The following PUM2 variants were observed in gnomAD, a reference collection of about 807,000 sequenced individuals.
The protein encoded by PUM2 is pumilio RNA binding family member 2.
Under a neutral mutation model 124.5 loss-of-function variants are expected in PUM2, and 57 were observed. The ratio of observed to expected loss-of-function variants is 0.46; its 90% CI spans 0.37 to 0.57. The LOEUF is 0.57. Among genes scored for constraint, PUM2 ranks in the 20% least tolerant of loss-of-function variants. The pLI is 0.00. For synonymous variants in PUM2, 460 were observed against 446.1 expected (o/e 1.03, Z -0.39); for missense variants, 1,065 against 1,290.6 (o/e 0.83, Z 2.68).
At chr2:20,261,394 C>CGAAAAAA (rs1666196799) in intron 14 of PUM2, among the ~76,000 whole-genome samples, 1 of 76,758 alleles carries the variant, frequency 1.3e-5, no homozygotes, top group Non-Finnish European at 2.7e-5. Context: ...ACTCTGTCTC[C>CGAAAAAA]AAAAAAAAAA....
intron 1 of PUM2, among the ~76,000 whole-genome samples, chr2:20,343,480 T>G (rs1381960048): frequency 6.6e-6 from 1 of 152,096 alleles, no homozygotes. Context: ...GCAAATAAAC[T>G]AGTAAGTTTA....
chr2:20,263,361 C>T lies in PUM2; in HGVS notation c.2057G>A (p.Ser686Asn). The change falls in exon 14 of 21, where the codon AGC (serine) becomes AAC (asparagine). Residue 686 changes from serine (S) to asparagine (N), a missense_variant. Around this residue, in one of 3 missense-constraint regions of PUM2, gnomAD observed 968 missense variants for 1,159.8 expected, o/e 0.83. Transcript: ENST00000361078. Reference sequence around the variant, plus strand: ...CCGGGAAGGAGGAAAGAGCTGGCTGCTGGAGCTAAATAGACTGGAAGTGCT... The same window carrying T: ...CCGGGAAGGAGGAAAGAGCTGGCTGTTGGAGCTAAATAGACTGGAAGTGCT... ...ASSTSSLFSS[S>N]SQLFPPSRLR... is the part of the protein sequence containing the mutation. 6 of 1,614,210 alleles carry T rather than the reference C, an allele frequency of 3.7e-6. No individual in the cohort carries two copies. The highest frequency in any genetic ancestry group is 5.1e-6 in the Non-Finnish European group (6 of 1,180,020).
chr2:20,262,815 CA>C (rs1011038088), intron 14 of PUM2, among the ~76,000 whole-genome samples: 7 of 152,158 alleles, frequency 4.6e-5, no homozygotes, highest in African/African-American at 1.7e-4. Context: ...AGCCAAGTCA[CA>C]CTGAATACCA....
intron 13 of PUM2, among the ~76,000 whole-genome samples, chr2:20,269,984 A>G (rs892653411): frequency 6.6e-5 from 10 of 152,024 alleles, no homozygotes; most frequent in African/African-American, 2.4e-4. Flanking sequence ...TCAATAACCC[A>G]CCCTGTCAAT....
In PUM2 at chr2:20,250,804, A is replaced by C. The variant is rs185106612; in HGVS notation, c.*781T>G. 1.3e-5 allele frequency: 2 copies of C among 152,650 alleles called. No individual in the cohort carries two copies. Among genetic ancestry groups the C allele is most frequent in the Admixed American group, 6.5e-5 (1 of 15,286 alleles). 9.5% of individuals were successfully genotyped at this position (152,650 alleles called of 1,614,324 possible). A position where few individuals can be genotyped will look rare whatever the true frequency, so the allele number is the denominator to read the frequency against. ...CATTGCAAACCAAACTGAAAAGTTA[A>C]TAAGTGACTTAACTTTTCATTTAGT... On this transcript the variant is annotated 3_prime_UTR_variant, in exon 21 of 21. Transcript: ENST00000361078.
intron 1 of PUM2, among the ~76,000 whole-genome samples, chr2:20,331,313 C>T (rs1368485609): frequency 6.6e-6 from 1 of 152,096 alleles, no homozygotes; most frequent in East Asian, 1.9e-4. Context: ...TAAAGATGGA[C>T]CTAACTCTCA....
intron 1 of PUM2, among the ~76,000 whole-genome samples, chr2:20,348,148 C>T (rs1224269392): frequency 6.6e-6 from 1 of 151,390 alleles, no homozygotes; most frequent in Non-Finnish European, 1.5e-5. Flanking sequence ...CACAGCAAGA[C>T]CTCACCTATA....
At chr2:20,325,793 T>C (rs1431805103) in intron 2 of PUM2, among the ~76,000 whole-genome samples, 1 of 152,164 alleles carries the variant, frequency 6.6e-6, no homozygotes, top group Non-Finnish European at 1.5e-5. Context: ...GGCTAATTTT[T>C]TGTATTTTTA....
chr2:20,254,382 T>G (rs942931952), intron 19 of PUM2, among the ~76,000 whole-genome samples: 2 of 152,148 alleles, frequency 1.3e-5, no homozygotes, highest in African/African-American at 2.4e-5. Context: ...CTCGAATTCC[T>G]GGGCTCGACT....
At chr2:20,292,490 G>A (rs553943565) in intron 9 of PUM2, among the ~76,000 whole-genome samples, 14 of 152,182 alleles carry the variant, frequency 9.2e-5, no homozygotes, top group African/African-American at 3.4e-4. Flanking sequence ...AGCCTCCCCA[G>A]TAGCTAGGAC....
intron 12 of PUM2, among the ~76,000 whole-genome samples, chr2:20,280,365 T>C (rs1386918636): frequency 1.3e-5 from 2 of 152,172 alleles, no homozygotes; most frequent in South Asian, 2.1e-4. Flanking sequence ...AAAAGTGAAT[T>C]ATAAGCACAT....
intron 2 of PUM2, chr2:20,326,484 G>C: frequency 1.8e-6 from 2 of 1,108,092 alleles, no homozygotes; most frequent in Non-Finnish European, 2.4e-6. Flanking sequence ...ACACATCTTA[G>C]GTCTGTTCAC....
intron 10 of PUM2, among the ~76,000 whole-genome samples, chr2:20,288,566 G>A (rs1214020531): frequency 2.6e-5 from 4 of 152,054 alleles, no homozygotes; most frequent in Non-Finnish European, 5.9e-5. Flanking sequence ...ATTGGGAGAG[G>A]GAAAGACTAA....
chr2:20,258,900 C>G (rs1665502438), intron 15 of PUM2, among the ~76,000 whole-genome samples: 1 of 151,460 alleles, frequency 6.6e-6, no homozygotes, highest in Admixed American at 6.6e-5. Context: ...ATCTCCTGAC[C>G]TCATGATCCA....
At chr2:20,329,656 G>A (rs1052768469) in intron 1 of PUM2, among the ~76,000 whole-genome samples, 5 of 152,202 alleles carry the variant, frequency 3.3e-5, no homozygotes, top group African/African-American at 1.2e-4. Context: ...GAGCAGTGGC[G>A]AGTTGTTTCC....
intron 2 of PUM2, 124 bp downstream of exon 2, chr2:20,327,186 C>T: frequency 1.5e-6 from 1 of 675,284 alleles, no homozygotes; most frequent in South Asian, 1.7e-5. Context: ...AATTTAAACC[C>T]CTCCATATAG....
chr2:20,345,964 A>C (rs1688174473), intron 1 of PUM2, among the ~76,000 whole-genome samples: 1 of 152,206 alleles, frequency 6.6e-6, no homozygotes, highest in African/African-American at 2.4e-5. Context: ...CTCCATGAAT[A>C]TTTTCTCAAC....
intron 13 of PUM2, among the ~76,000 whole-genome samples, chr2:20,272,864 ACTT>A (rs1426165901): frequency 6.6e-6 from 1 of 152,206 alleles, no homozygotes; most frequent in Non-Finnish European, 1.5e-5. Flanking sequence ...AAGATCTTGC[ACTT>A]CTTCTGCTGG....
chr2:20,342,888 A>C (rs1053468093), intron 1 of PUM2, among the ~76,000 whole-genome samples: 3 of 152,210 alleles, frequency 2.0e-5, no homozygotes. Context: ...TACATCAAAA[A>C]CACCACCAAA....
Sources: allele counts gnomAD v4.1 joint callset (sites outside exome capture counted in the v4.1 genomes callset), GRCh38; gene constraint gnomAD v4.1.1; regional missense constraint gnomAD v4.1.1; transcripts MANE v1.5; gene names NCBI Gene and HGNC (gene_info 2026-07-23, HGNC 2026-07-21).